MAL2: variants seen among roughly 807,000 people sequenced by gnomAD.
The protein encoded by MAL2 is mal, T cell differentiation protein 2, also known as protein MAL2.
A neutral mutation model predicts 18.1 loss-of-function variants in MAL2; 17 were observed. The observed-to-expected ratio is 0.94, with a 90% confidence interval of 0.64 to 1.41. MAL2 has a LOEUF of 1.41. MAL2 is among the 40% of genes most tolerant of loss of function. The pLI, the probability that MAL2 is intolerant of heterozygous loss-of-function variation, is 0.00. For synonymous variants in MAL2, 102 were observed against 102.3 expected (o/e 1.00, Z 0.02); for missense variants, 222 against 231.9 (o/e 0.96, Z 0.28).
chr8:119,242,392 A>G (rs776919300), intron 3 of MAL2, among the ~76,000 whole-genome samples: 6 of 152,002 alleles, frequency 3.9e-5, no homozygotes, highest in Admixed American at 3.9e-4. Flanking sequence ...ATTACATCCC[A>G]TTTCATCCAT....
At chr8:119,222,181 T>G (rs1267788864) in intron 2 of MAL2, among the ~76,000 whole-genome samples, 4 of 152,266 alleles carry the variant, frequency 2.6e-5, no homozygotes, top group African/African-American at 9.6e-5. Context: ...AAAGGGCATG[T>G]TTCATATTGA....
At chr8:119,231,312 G>A (rs536087429) in intron 2 of MAL2, among the ~76,000 whole-genome samples, 15 of 152,180 alleles carry the variant, frequency 9.9e-5, no homozygotes, top group African/African-American at 3.4e-4. Flanking sequence ...GATTACAGGC[G>A]TGAGCCACTG....
At chr8:119,223,481 T>G (rs936445116) in intron 2 of MAL2, 2 of 152,242 alleles carry the variant, frequency 1.3e-5, no homozygotes, top group Admixed American at 6.5e-5. Context: ...TCCCACCCAT[T>G]TGTAGCATTA....
At chr8:119,234,276 G>C (rs140551964) in intron 2 of MAL2, among the ~76,000 whole-genome samples, 2,286 of 152,274 alleles carry the variant, frequency 0.015, 61 homozygotes, top group African/African-American at 0.053. Context: ...CGCACCACGA[G>C]ATTGTATCCC....
chr8:119,222,622 G>T (rs755192090), intron 2 of MAL2, among the ~76,000 whole-genome samples: 5 of 151,498 alleles, frequency 3.3e-5, no homozygotes, highest in African/African-American at 4.9e-5. Flanking sequence ...GAGACCAGGA[G>T]CTCAAGGCCA....
intron 2 of MAL2, among the ~76,000 whole-genome samples, chr8:119,225,277 C>G (rs1024926296): frequency 3.9e-5 from 6 of 152,214 alleles, no homozygotes; most frequent in African/African-American, 9.6e-5. Context: ...CCACTCCCCC[C>G]ACCCCACAAC....
intron 2 of MAL2, among the ~76,000 whole-genome samples, chr8:119,239,224 G>T: frequency 6.6e-6 from 1 of 152,122 alleles, no homozygotes; most frequent in Non-Finnish European, 1.5e-5. Flanking sequence ...ACCACAATGA[G>T]ATATCATCTC....
At chr8:119,232,959 G>A (rs1244846691) in intron 2 of MAL2, among the ~76,000 whole-genome samples, 2 of 152,096 alleles carry the variant, frequency 1.3e-5, no homozygotes, top group East Asian at 3.9e-4. Flanking sequence ...GAGACAGTTT[G>A]TTATAATTTC....
chr8:119,231,476 G>A (rs549863222), intron 2 of MAL2, among the ~76,000 whole-genome samples: 93 of 152,310 alleles, frequency 6.1e-4, no homozygotes, highest in African/African-American at 2.2e-3. Context: ...ACTTCAAAGG[G>A]AACCCTTGCA....
At chr8:119,219,557 GAGAGAGAGAC>G (rs1817428971) in intron 1 of MAL2, among the ~76,000 whole-genome samples, 2 of 147,816 alleles carry the variant, frequency 1.4e-5, no homozygotes, top group Non-Finnish European at 3.0e-5. Context: ...GTGTGTGTGA[GAGAGAGAGAC>G]AGAGAGAGAG....
At position 119,208,427 on chromosome 8, in the gene MAL2, G is replaced by GGGA; in HGVS notation, c.-43_-41dup. ...CGGCAGGAGCCCGGGAGGCGGAGGC[G>GGGA]GGAGGCGGCGGCGGCGCGCGGAGAC... On this transcript the variant is annotated 5_prime_UTR_variant, in exon 1 of 4. Coordinates refer to ENST00000614891, the MANE Select transcript of MAL2 (RefSeq NM_052886.3). This position sits in a 1 kb window ranked among gnomAD's most constrained non-coding sequence, Gnocchi z 4.3. 3.7e-6 allele frequency: 4 copies of GGGA among 1,082,090 alleles called. No individual in the cohort carries two copies. The highest frequency in any genetic ancestry group is 4.5e-6 in the Non-Finnish European group (4 of 882,156). The allele number at this position is 1,082,090 out of a possible 1,614,324, so 67.0% of individuals were successfully genotyped here. A position where few individuals can be genotyped will look rare whatever the true frequency, so the allele number is the denominator to read the frequency against.
intron 2 of MAL2, among the ~76,000 whole-genome samples, chr8:119,229,985 A>G (rs1268855091): frequency 2.0e-5 from 3 of 152,142 alleles, no homozygotes; most frequent in African/African-American, 7.2e-5. Flanking sequence ...TGCCCTTCCC[A>G]TCACAAGGAG....
chr8:119,208,645 G>T lies in MAL2; in HGVS notation c.132+41G>T. The stretch of plus-strand genomic sequence containing the variant: ...GGAGCGAGGGTCGCGCGGGGAGCGA[G>T]GACAGGCGGCGGCATCCTTGTCCCC... On this transcript the variant is annotated intron_variant, in intron 1 of 3. Coordinates refer to ENST00000614891, the MANE Select transcript of MAL2 (RefSeq NM_052886.3). This position sits in a 1 kb window ranked among gnomAD's most constrained non-coding sequence, Gnocchi z 4.3. The T allele has an allele frequency of 1.6e-6, 2 of 1,273,384 alleles. No homozygotes were observed. Among genetic ancestry groups the T allele is most frequent in the South Asian group, 2.7e-5 (1 of 37,316 alleles). The allele number at this position is 1,273,384 out of a possible 1,614,324, so 78.9% of individuals were successfully genotyped here.
chr8:119,226,563 T>G, intron 2 of MAL2, among the ~76,000 whole-genome samples: 1 of 150,860 alleles, frequency 6.6e-6, no homozygotes, highest in African/African-American at 2.4e-5. Context: ...GGCAAACACA[T>G]AGTGGGCAGT....
At chr8:119,239,830 A>C (rs991279199) in intron 2 of MAL2, among the ~76,000 whole-genome samples, 3 of 150,592 alleles carry the variant, frequency 2.0e-5, no homozygotes, top group Non-Finnish European at 4.4e-5. Context: ...TGAGTGCAGC[A>C]CACTAGCATG....
At chr8:119,226,091 C>A (rs1166020747) in intron 2 of MAL2, among the ~76,000 whole-genome samples, 4 of 152,070 alleles carry the variant, frequency 2.6e-5, no homozygotes, top group Non-Finnish European at 4.4e-5. Flanking sequence ...TGTAGGTTGC[C>A]TGTTCACTCT....
At chr8:119,234,987 G>T (rs2129888004) in intron 2 of MAL2, among the ~76,000 whole-genome samples, 1 of 152,134 alleles carries the variant, frequency 6.6e-6, no homozygotes, top group Admixed American at 6.5e-5. Context: ...GAGAGAAGAA[G>T]GCTTCAGACG....
chr8:119,240,950 AAAT>A (rs1225343421), intron 3 of MAL2, among the ~76,000 whole-genome samples: 1 of 152,002 alleles, frequency 6.6e-6, no homozygotes, highest in East Asian at 1.9e-4. Context: ...TAATTTGAGG[AAAT>A]AATATATTAT....
At chr8:119,234,430 G>A (rs555541713) in intron 2 of MAL2, among the ~76,000 whole-genome samples, 2,323 of 152,266 alleles carry the variant, frequency 0.015, 61 homozygotes, top group African/African-American at 0.052. Context: ...AAAGCAGCCC[G>A]GAAGCTCGAA....
Sources: gnomAD v4.1 joint callset for allele counts (sites outside exome capture counted in the v4.1 genomes callset) on GRCh38, gnomAD v4.1.1 for gene constraint, Gnocchi (gnomAD v3.1) non-coding constraint, MANE v1.5 for transcripts, NCBI Gene and HGNC (gene_info 2026-07-23, HGNC 2026-07-21) for gene names.